KPNA1: variants seen among roughly 807,000 people sequenced by gnomAD.
KPNA1 encodes the protein importin subunit alpha-5.
KPNA1 carries 10 observed loss-of-function variants against 70.5 expected under a neutral mutation model. The ratio of observed to expected loss-of-function variants is 0.14; its 90% CI spans 0.09 to 0.24. KPNA1 has a LOEUF of 0.24. Among genes scored for constraint, KPNA1 ranks in the 10% least tolerant of loss-of-function variants. The probability of loss-of-function intolerance (pLI) is 1.00; values close to 1 mark genes in which losing one functional copy is unlikely to be tolerated. For missense variants in KPNA1, 397 were observed against 637.9 expected, an observed-to-expected ratio of 0.62 and a Z score of 4.07; for synonymous variants, 192 against 221.9, an observed-to-expected ratio of 0.87 and a Z score of 1.20.
intron 2 of KPNA1, among the ~76,000 whole-genome samples, chr3:122,476,173 A>G (rs2076495724): frequency 6.6e-6 from 1 of 152,250 alleles, no homozygotes; most frequent in Non-Finnish European, 1.5e-5. Context: ...AAAGGTGCCA[A>G]GAACACACAA....
chr3:122,427,079 T>C lies in KPNA1; in HGVS notation c.1523A>G (p.Asp508Gly). Residue 508 changes from aspartate (D) to glycine (G), a missense_variant, in exon 14 of 14, where the codon GAT becomes GGT. Physicochemically the swap from Asp to Gly is moderately conservative, Grantham distance 94. Coordinates refer to ENST00000344337, the MANE Select transcript of KPNA1 (RefSeq NM_002264.4). ...DLIEHYFGTE[D>G]EDSSIAPQVD... Reference sequence around the variant, plus strand: ...CTGGGGTGCAATGCTGCTGTCTTCATCTTCGGTCCCGAAGTAATGCTCAAT... The same window carrying C: ...CTGGGGTGCAATGCTGCTGTCTTCACCTTCGGTCCCGAAGTAATGCTCAAT... The C allele has an allele frequency of 6.2e-7, 1 of 1,614,208 alleles. No homozygotes were observed. The highest frequency in any genetic ancestry group is 8.5e-7 in the Non-Finnish European group (1 of 1,180,006).
chr3:122,440,701 A>G (rs569706035), intron 10 of KPNA1, among the ~76,000 whole-genome samples: 41 of 152,298 alleles, frequency 2.7e-4, no homozygotes, highest in South Asian at 2.1e-3. Context: ...TTCTTCTCCT[A>G]TTCTCTTCTG....
At chr3:122,473,558 C>T (rs1396885344) in intron 2 of KPNA1, among the ~76,000 whole-genome samples, 1 of 152,118 alleles carries the variant, frequency 6.6e-6, no homozygotes, top group Non-Finnish European at 1.5e-5. Context: ...GTGTAAATTA[C>T]TGGTCCAACA....
intron 12 of KPNA1, among the ~76,000 whole-genome samples, chr3:122,429,728 A>G (rs760130843): frequency 6.6e-6 from 1 of 152,170 alleles, no homozygotes; most frequent in African/African-American, 2.4e-5. Flanking sequence ...TGGGAAGGCA[A>G]AAGGCCCAGA....
chr3:122,437,043 G>A lies in KPNA1; in HGVS notation c.1122+127C>T, dbSNP rs928086750. ...GATCCACGGGCCTCAGCCTCCCAGA[G>A]TGCTGGGATTACAGGCAGGAGCCAC... On this transcript the variant is annotated intron_variant, in intron 11 of 13. Coordinates refer to ENST00000344337, the MANE Select transcript of KPNA1 (RefSeq NM_002264.4). 4.7e-5 allele frequency: 41 copies of A among 866,552 alleles called. 1 individual carries two copies. The highest frequency in any genetic ancestry group is 6.8e-5 in the African/African-American group (4 of 59,222). 53.7% of individuals were successfully genotyped at this position (866,552 alleles called of 1,614,324 possible).
chr3:122,437,054 A>T, intron 11 of KPNA1, 116 bp downstream of exon 11: 2 of 994,108 alleles, frequency 2.0e-6, no homozygotes, highest in Non-Finnish European at 3.0e-6. Flanking sequence ...TGCTGGGATT[A>T]CAGGCAGGAG....
At chr3:122,444,518 A>T (rs1014856487) in intron 9 of KPNA1, among the ~76,000 whole-genome samples, 1 of 152,216 alleles carries the variant, frequency 6.6e-6, no homozygotes, top group Non-Finnish European at 1.5e-5. Flanking sequence ...TTGGGGAACT[A>T]ATAAATGTCC....
intron 5 of KPNA1, chr3:122,459,953 T>TG: frequency 1.0e-6 from 1 of 985,434 alleles, no homozygotes; most frequent in South Asian, 4.7e-5. Flanking sequence ...AGCTATCACT[T>TG]AACAAAAATG....
chr3:122,452,701 C>T (rs879369418), intron 6 of KPNA1, among the ~76,000 whole-genome samples: 1 of 69,322 alleles, frequency 1.4e-5, no homozygotes, highest in Non-Finnish European at 2.8e-5. Context: ...GAGGGAGAGA[C>T]GGAGAGACGG....
intron 2 of KPNA1, 76 bp downstream of exon 2, chr3:122,496,361 T>C: frequency 9.3e-7 from 1 of 1,079,270 alleles, no homozygotes. Flanking sequence ...CCAACTTTGC[T>C]AAAATGAAGA....
intron 2 of KPNA1, among the ~76,000 whole-genome samples, chr3:122,495,262 C>CAA (rs748751423): frequency 5.8e-5 from 5 of 86,492 alleles, no homozygotes; most frequent in East Asian, 3.8e-4. Context: ...TCAAACAAAC[C>CAA]AAAAAAAAAA....
At chr3:122,462,152 A>G (rs924704601) in intron 4 of KPNA1, among the ~76,000 whole-genome samples, 1 of 152,222 alleles carries the variant, frequency 6.6e-6, no homozygotes, top group Non-Finnish European at 1.5e-5. Context: ...TGATTACAAT[A>G]AACTAGTTAA....
intron 6 of KPNA1, among the ~76,000 whole-genome samples, chr3:122,453,532 T>G (rs1385213901): frequency 1.3e-5 from 2 of 151,990 alleles, no homozygotes; most frequent in Non-Finnish European, 2.9e-5. Context: ...GTTTTTCTTT[T>G]TTTGTTTGTT....
intron 11 of KPNA1, among the ~76,000 whole-genome samples, chr3:122,436,750 G>A (rs928021225): frequency 6.6e-6 from 1 of 152,134 alleles, no homozygotes; most frequent in African/African-American, 2.4e-5. Context: ...CATTGAAAGT[G>A]GTCTTCAAAG....
rs142945643 is a variant in KPNA1 at position 122,511,081 on chromosome 3, G to A, written c.-6+3676C>T. Among the ~76,000 whole-genome samples the A allele has an allele frequency of 7.1e-3, 1,083 of 152,260 alleles. 8 individuals are homozygous for A. The highest frequency in any genetic ancestry group is 0.011 in the Non-Finnish European group (760 of 68,004). On this transcript the variant is annotated intron_variant, in intron 1 of 13. Transcript: ENST00000344337. ...CGAGTTACCCAATCACCTTGCACAC[G>A]TAATCACCTCCTCAAAATGGTTTTG...
intron 1 of KPNA1, among the ~76,000 whole-genome samples, chr3:122,509,437 G>A (rs1333970572): frequency 6.6e-6 from 1 of 151,914 alleles, no homozygotes; most frequent in African/African-American, 2.4e-5. Flanking sequence ...TATAACACAG[G>A]GTATTTGAAA....
intron 2 of KPNA1, among the ~76,000 whole-genome samples, chr3:122,489,714 A>G (rs1353821748): frequency 1.3e-5 from 2 of 152,070 alleles, no homozygotes; most frequent in East Asian, 3.9e-4. Flanking sequence ...TCCCCATTAC[A>G]GTTGTGTTTT....
chr3:122,455,532 A>C (rs2076255085), intron 5 of KPNA1, among the ~76,000 whole-genome samples: 1 of 152,136 alleles, frequency 6.6e-6, no homozygotes, highest in Non-Finnish European at 1.5e-5. Context: ...TTAAAACTTG[A>C]CATTTGTACC....
chr3:122,512,658 G>C (rs1002890261), intron 1 of KPNA1, among the ~76,000 whole-genome samples: 2 of 152,206 alleles, frequency 1.3e-5, no homozygotes, highest in Non-Finnish European at 2.9e-5. Context: ...CAGGGAGGCA[G>C]AGGCTGCAGT....
Sources: gnomAD v4.1 joint callset for allele counts (sites outside exome capture counted in the v4.1 genomes callset) on GRCh38, gnomAD v4.1.1 for gene constraint, MANE v1.5 for transcripts, NCBI Gene and HGNC (gene_info 2026-07-23, HGNC 2026-07-21) for gene names.